ADAM32: variants seen among roughly 807,000 people sequenced by gnomAD.
The protein encoded by ADAM32 is ADAM metallopeptidase domain 32, also known as disintegrin and metalloproteinase domain-containing protein 32.
In ADAM32, 89 loss-of-function variants were observed where a neutral mutation model predicts 114.9. That is an observed-to-expected ratio of 0.77 (90% CI 0.65 to 0.92). The LOEUF (loss-of-function observed/expected upper bound fraction) is 0.92. ADAM32 is among the 40% of genes least tolerant of loss of function. The pLI is 0.00. For synonymous variants in ADAM32, 285 were observed against 307.5 expected (o/e 0.93, Z 0.77); for missense variants, 870 against 932.8 (o/e 0.93, Z 0.88).
intron 15 of ADAM32, among the ~76,000 whole-genome samples, chr8:39,232,609 C>T (rs879365752): frequency 6.6e-6 from 1 of 152,166 alleles, no homozygotes; most frequent in African/African-American, 2.4e-5. Context: ...TACTCATACA[C>T]TCATGGAATT....
At chr8:39,281,346 A>G (rs915750190) in intron 23 of ADAM32, among the ~76,000 whole-genome samples, 172 bp downstream of exon 23, 1 of 152,146 alleles carries the variant, frequency 6.6e-6, no homozygotes, top group African/African-American at 2.4e-5. Context: ...AATTAATTCC[A>G]TTAATCTTTT....
chr8:39,166,473 A>G (rs1366121637), intron 9 of ADAM32: 1 of 152,122 alleles, frequency 6.6e-6, no homozygotes, highest in African/African-American at 2.4e-5. Flanking sequence ...TGATTTTGCA[A>G]TTGTGAATTG....
chr8:39,256,530 T>C (rs1414427273), intron 18 of ADAM32, among the ~76,000 whole-genome samples: 1 of 152,066 alleles, frequency 6.6e-6, no homozygotes, highest in Non-Finnish European at 1.5e-5. Flanking sequence ...ATTCATTTAT[T>C]GAGTTAGCAA....
intron 18 of ADAM32, among the ~76,000 whole-genome samples, chr8:39,256,065 A>G (rs1225529958): frequency 2.0e-5 from 3 of 151,926 alleles, no homozygotes; most frequent in Non-Finnish European, 2.9e-5. Context: ...TGGATTCCCT[A>G]TTCCATTCCA....
chr8:39,134,480 G>A (rs1345696672), intron 2 of ADAM32, among the ~76,000 whole-genome samples: 3 of 152,022 alleles, frequency 2.0e-5, no homozygotes. Flanking sequence ...CTGCTTATTT[G>A]CTTGTCTTTC....
At chr8:39,213,544 A>G (rs981270803) in intron 12 of ADAM32, among the ~76,000 whole-genome samples, 6 of 152,100 alleles carry the variant, frequency 3.9e-5, no homozygotes, top group Non-Finnish European at 7.4e-5. Flanking sequence ...ACATACATCT[A>G]TTGCACATAC....
chr8:39,209,310 T>C (rs1305687822), intron 11 of ADAM32, among the ~76,000 whole-genome samples: 1 of 152,222 alleles, frequency 6.6e-6, no homozygotes, highest in Non-Finnish European at 1.5e-5. Context: ...CTCCAGGAAT[T>C]CTGCTTGATT....
chr8:39,225,536 GC>G (rs1409812763), intron 14 of ADAM32, among the ~76,000 whole-genome samples: 2 of 152,164 alleles, frequency 1.3e-5, no homozygotes, highest in Admixed American at 6.5e-5. Context: ...AAATGAAATT[GC>G]CCGGGGCCAT....
At chr8:39,261,576 G>A (rs1325361764) in intron 19 of ADAM32, among the ~76,000 whole-genome samples, 1 of 152,276 alleles carries the variant, frequency 6.6e-6, no homozygotes, top group South Asian at 2.1e-4. Context: ...ATACCCAGTG[G>A]TGTGATTGCT....
chr8:39,131,273 C>A (rs868035783), intron 2 of ADAM32, among the ~76,000 whole-genome samples: 20 of 151,952 alleles, frequency 1.3e-4, no homozygotes, highest in Non-Finnish European at 2.5e-4. Flanking sequence ...TCTCTTGAGG[C>A]CAGGAGTTTG....
intron 18 of ADAM32, among the ~76,000 whole-genome samples, chr8:39,255,028 G>C (rs2129450549): frequency 6.6e-6 from 1 of 151,906 alleles, no homozygotes; most frequent in African/African-American, 2.4e-5. Flanking sequence ...ACTCCATCCA[G>C]GTTGCTGCGA....
intron 9 of ADAM32, chr8:39,168,784 G>A (rs1805012962): frequency 6.6e-6 from 1 of 152,166 alleles, no homozygotes; most frequent in Non-Finnish European, 1.5e-5. Context: ...ACAAAGCAAG[G>A]TGGTAGATCT....
At chr8:39,218,781 C>T (rs1808756831) in intron 12 of ADAM32, among the ~76,000 whole-genome samples, 1 of 152,032 alleles carries the variant, frequency 6.6e-6, no homozygotes, top group African/African-American at 2.4e-5. Context: ...CCCTCTGTCC[C>T]AGGACAGGTC....
At chr8:39,208,885 C>A (rs1343023385) in intron 11 of ADAM32, among the ~76,000 whole-genome samples, 2 of 152,112 alleles carry the variant, frequency 1.3e-5, no homozygotes, top group Non-Finnish European at 2.9e-5. Context: ...TTTCGGTTGA[C>A]TCTTCTTGGT....
chr8:39,283,771 CTTTTTTTT>C lies in ADAM32; in HGVS notation c.2357+160_2357+167del, dbSNP rs373085019. 1.2e-3 allele frequency: 279 copies of C among 241,580 alleles called. 1 individual carries two copies. The highest frequency in any genetic ancestry group is 7.2e-3 in the African/African-American group (266 of 36,726). The allele number at this position is 241,580 out of a possible 1,614,324, so 15.0% of individuals were successfully genotyped here. On this transcript the variant is annotated intron_variant, in intron 24 of 24. Transcript: ENST00000379907. ...ATAAATAACCTATCTTTCTTTTATTCTTTTTTTTTTTTTTTTTTTTAAGACAGAGTCTT... is the reference window on the plus strand; with the variant it reads ...ATAAATAACCTATCTTTCTTTTATTCTTTTTTTTTTTTAAGACAGAGTCTT...
chr8:39,193,459 A>G (rs1806735824), intron 11 of ADAM32, among the ~76,000 whole-genome samples: 1 of 152,176 alleles, frequency 6.6e-6, no homozygotes, highest in Non-Finnish European at 1.5e-5. Context: ...CTGAATCTCA[A>G]TGATCTTCAT....
intron 10 of ADAM32, among the ~76,000 whole-genome samples, chr8:39,173,831 A>AT (rs902556998): frequency 6.8e-4 from 101 of 147,966 alleles, no homozygotes; most frequent in East Asian, 3.0e-3. Flanking sequence ...TATTGGGTTA[A>AT]TTTTTTTTTT....
intron 11 of ADAM32, among the ~76,000 whole-genome samples, chr8:39,204,042 C>T (rs935897452): frequency 5.9e-5 from 9 of 152,108 alleles, no homozygotes; most frequent in Non-Finnish European, 1.0e-4. Context: ...TAACCGGACC[C>T]GTCTCTCTGG....
intron 16 of ADAM32, among the ~76,000 whole-genome samples, chr8:39,245,644 A>T (rs2129450037): frequency 6.6e-6 from 1 of 152,180 alleles, no homozygotes; most frequent in South Asian, 2.1e-4. Context: ...GGAGAAACCA[A>T]CCCTGCAGAC....
Sources: allele counts gnomAD v4.1 joint callset (sites outside exome capture counted in the v4.1 genomes callset), GRCh38; gene constraint gnomAD v4.1.1; transcripts MANE v1.5; gene names NCBI Gene and HGNC (gene_info 2026-07-23, HGNC 2026-07-21).